The following ATP11A variants were observed in gnomAD, a reference collection of about 807,000 sequenced individuals.
ATP11A encodes the protein ATPase phospholipid transporting 11A, also known as phospholipid-transporting ATPase IH.
ATP11A carries 81 observed loss-of-function variants against 154.4 expected under a neutral mutation model. The ratio of observed to expected loss-of-function variants is 0.52; its 90% CI spans 0.44 to 0.63. ATP11A has a LOEUF of 0.63. ATP11A is among the 30% of genes least tolerant of loss of function. ATP11A has a pLI of 0.00. For missense variants in ATP11A, 1,316 were observed against 1,474.3 expected (o/e 0.89, Z 1.76); for synonymous variants, 623 against 585.9 (o/e 1.06, Z -0.91).
chr13:112,804,894 A>G (rs1402285450), intron 2 of ATP11A, 63 bp from the exon 3 acceptor site: 3 of 996,770 alleles, frequency 3.0e-6, no homozygotes, highest in Non-Finnish European at 4.6e-6. Context: ...ACTATGCCCT[A>G]GAGTAACACT....
At position 112,844,533 on chromosome 13, in the gene ATP11A, G is replaced by A. The variant is rs187345114; in HGVS notation, c.1809+2154G>A. On this transcript the variant is annotated intron_variant, in intron 17 of 29. Transcript: ENST00000375645. ...GCTGGAGACCACCGCTCCACTCGCC[G>A]TCACTGCAGATTCGTGCCCACCTTC... is the stretch of plus-strand genomic sequence containing the variant. Among the ~76,000 whole-genome samples the A allele has an allele frequency of 7.7e-4, 117 of 152,262 alleles. 1 individual carries two copies. Among genetic ancestry groups the A allele is most frequent in the Non-Finnish European group, 1.5e-3 (103 of 68,008 alleles).
intron 17 of ATP11A, among the ~76,000 whole-genome samples, chr13:112,848,696 C>CT (rs778181053): frequency 2.2e-4 from 33 of 152,136 alleles, no homozygotes; most frequent in Middle Eastern, 3.4e-3. Flanking sequence ...TTTTTCTTTT[C>CT]TTTTTTTTGA....
chr13:112,769,246 C>A (rs535631912), intron 1 of ATP11A, among the ~76,000 whole-genome samples: 7 of 152,240 alleles, frequency 4.6e-5, no homozygotes, highest in Non-Finnish European at 8.8e-5. Flanking sequence ...GGCTGAGCTC[C>A]AAACCGGGCA....
At chr13:112,820,328 C>G (rs1230536469) in intron 8 of ATP11A, among the ~76,000 whole-genome samples, 2 of 152,182 alleles carry the variant, frequency 1.3e-5, no homozygotes, top group Non-Finnish European at 2.9e-5. Context: ...TGAAAGACTT[C>G]TAATTTGGAG....
At chr13:112,788,442 CAT>C (rs1297161172) in intron 2 of ATP11A, among the ~76,000 whole-genome samples, 14 of 141,700 alleles carry the variant, frequency 9.9e-5, no homozygotes, top group African/African-American at 1.6e-4. Context: ...CCGGTGTCCT[CAT>C]GTGTAGACCC....
intron 5 of ATP11A, among the ~76,000 whole-genome samples, chr13:112,813,803 C>T (rs961483763): frequency 2.6e-5 from 4 of 151,970 alleles, no homozygotes; most frequent in Non-Finnish European, 5.9e-5. Context: ...ATGTCCCTGA[C>T]GGCTCTGTGG....
chr13:112,721,181 T>C (rs1035144104), intron 1 of ATP11A, among the ~76,000 whole-genome samples: 1 of 152,150 alleles, frequency 6.6e-6, no homozygotes, highest in Non-Finnish European at 1.5e-5. Context: ...CTCCTCTCAT[T>C]AGGGAGTTGG....
At chr13:112,814,973 A>G (rs1428183543) in intron 5 of ATP11A, among the ~76,000 whole-genome samples, 1 of 152,226 alleles carries the variant, frequency 6.6e-6, no homozygotes, top group East Asian at 1.9e-4. Context: ...AAGTCTCACA[A>G]ATTCGCAGTG....
intron 1 of ATP11A, among the ~76,000 whole-genome samples, chr13:112,784,358 T>A (rs2077569767): frequency 6.6e-6 from 1 of 152,098 alleles, no homozygotes; most frequent in South Asian, 2.1e-4. Context: ...CCCAGCCCTG[T>A]TTTCACCAGT....
intron 12 of ATP11A, among the ~76,000 whole-genome samples, chr13:112,827,870 T>C (rs572825638): frequency 3.3e-5 from 5 of 152,372 alleles, no homozygotes; most frequent in African/African-American, 9.6e-5. Context: ...CTTTTGAATG[T>C]GTTCCTCCAG....
At chr13:112,867,983 T>A (rs1002886587) in intron 25 of ATP11A, among the ~76,000 whole-genome samples, 1 of 152,238 alleles carries the variant, frequency 6.6e-6, no homozygotes, top group Non-Finnish European at 1.5e-5. Context: ...TATCTATAGA[T>A]CCTGTGTAGG....
chr13:112,705,773 A>G (rs746625884), intron 1 of ATP11A, among the ~76,000 whole-genome samples: 2 of 152,232 alleles, frequency 1.3e-5, no homozygotes, highest in Non-Finnish European at 2.9e-5. Context: ...ATACGGCCAA[A>G]GGAGGAAAAT....
chr13:112,692,119 A>C (rs1213637130), intron 1 of ATP11A, among the ~76,000 whole-genome samples: 1 of 152,160 alleles, frequency 6.6e-6, no homozygotes, highest in Non-Finnish European at 1.5e-5. Flanking sequence ...GAAATGCTTT[A>C]TTGGGCGGAA....
At chr13:112,718,016 C>T (rs1251646218) in intron 1 of ATP11A, among the ~76,000 whole-genome samples, 2 of 152,194 alleles carry the variant, frequency 1.3e-5, no homozygotes, top group Non-Finnish European at 2.9e-5. Context: ...GCAGAGGTTG[C>T]AGTGAGCCAA....
intron 1 of ATP11A, chr13:112,703,368 T>A (rs1020959552): frequency 1.3e-5 from 2 of 152,214 alleles, no homozygotes; most frequent in African/African-American, 4.8e-5. Context: ...AGGCCCAATC[T>A]TCAGGTCCAA....
At chr13:112,761,871 C>T (rs9604431) in intron 1 of ATP11A, among the ~76,000 whole-genome samples, 6,391 of 152,258 alleles carry the variant, frequency 0.042, 443 homozygotes, top group African/African-American at 0.14. Context: ...CACACCTGTT[C>T]GGCCAGGTTG....
intron 1 of ATP11A, among the ~76,000 whole-genome samples, chr13:112,762,620 G>A (rs2076988582): frequency 6.6e-6 from 1 of 152,210 alleles, no homozygotes; most frequent in Non-Finnish European, 1.5e-5. Flanking sequence ...GGCTGGAAAT[G>A]TGCAGAAGTG....
chr13:112,878,362 G>A, intron 29 of ATP11A, 59 bp downstream of exon 29: 2 of 1,571,608 alleles, frequency 1.3e-6, no homozygotes, highest in Middle Eastern at 1.7e-4. Flanking sequence ...GCAGGGCCAT[G>A]CCCATCACCA....
intron 29 of ATP11A, chr13:112,880,943 T>C: frequency 3.0e-6 from 3 of 992,524 alleles, no homozygotes; most frequent in Non-Finnish European, 3.6e-6. Flanking sequence ...TCCTGGTCTT[T>C]CGGGGGACAC....
Sources: allele counts gnomAD v4.1 joint callset (sites outside exome capture counted in the v4.1 genomes callset), GRCh38; gene constraint gnomAD v4.1.1; transcripts MANE v1.5; gene names NCBI Gene and HGNC (gene_info 2026-07-23, HGNC 2026-07-21).